NKAIN3: variants seen among roughly 807,000 people sequenced by gnomAD.
NKAIN3 encodes sodium/potassium-transporting ATPase subunit beta-1-interacting protein 3.
A neutral mutation model predicts 30.2 loss-of-function variants in NKAIN3; 25 were observed. The ratio of observed to expected loss-of-function variants is 0.83; its 90% CI spans 0.60 to 1.16. The LOEUF is 1.16. Among genes scored for constraint, NKAIN3 ranks in the 50% most tolerant of loss-of-function variants. The pLI, the probability that NKAIN3 is intolerant of heterozygous loss-of-function variation, is 0.00. For missense variants in NKAIN3, 225 were observed against 254.1 expected (o/e 0.89, Z 0.78); for synonymous variants, 91 against 89.6 (o/e 1.02, Z -0.09).
At chr8:62,775,208 C>A (rs775015058) in intron 4 of NKAIN3, among the ~76,000 whole-genome samples, 23 of 152,044 alleles carry the variant, frequency 1.5e-4, no homozygotes, top group Middle Eastern at 3.4e-3. Flanking sequence ...TTCACAGTGG[C>A]CTCTAATAAT....
intron 3 of NKAIN3, among the ~76,000 whole-genome samples, chr8:62,648,192 T>C (rs1056096956): frequency 2.6e-5 from 4 of 152,128 alleles, no homozygotes; most frequent in Admixed American, 2.6e-4. Context: ...CCAAGTACTA[T>C]GTCCTGTAAG....
rs554327128 is a variant in NKAIN3, at chr8:62,258,022, C to CTTATT, written c.54+8918_54+8922dup. Among the ~76,000 whole-genome samples the CTTATT allele has an allele frequency of 8.5e-3, 1,300 of 152,062 alleles. 15 individuals carry two copies. The highest frequency in any genetic ancestry group is 0.028 in the African/African-American group (1,141 of 41,464). ...GTCTTTGCTTTTAAAACATGAACTACTTATTTTATTTTATTTTATTTTATT... is the reference window on the plus strand; with the variant it reads ...GTCTTTGCTTTTAAAACATGAACTACTTATTTTATTTTATTTTATTTTATTTTATT... On this transcript the variant is annotated intron_variant, in intron 1 of 6. Transcript: ENST00000623646.
intron 4 of NKAIN3, among the ~76,000 whole-genome samples, chr8:62,768,677 C>A (rs541530798): frequency 6.6e-6 from 1 of 152,264 alleles, no homozygotes; most frequent in South Asian, 2.1e-4. Context: ...TCCAACATAA[C>A]CTACTCCAAC....
rs151239890 is a variant in NKAIN3 at position 62,652,457 on chromosome 8, G to T, written c.273+62663G>T. ...CAGACATAGGTGCGATTAATCATTT[G>T]TTCTCACAATAAAGATAACAGTTTT... On this transcript the variant is annotated intron_variant, in intron 3 of 6. Coordinates refer to ENST00000623646, the MANE Select transcript of NKAIN3 (RefSeq NM_001304533.3). Among the ~76,000 whole-genome samples the T allele has an allele frequency of 4.7e-3, 715 of 152,266 alleles. 6 individuals carry two copies. Among genetic ancestry groups the T allele is most frequent in the African/African-American group, 0.017 (692 of 41,562 alleles).
intron 1 of NKAIN3, among the ~76,000 whole-genome samples, chr8:62,499,505 C>T (rs1244477250): frequency 6.6e-6 from 1 of 151,964 alleles, no homozygotes. Context: ...AGTATTTCAC[C>T]GAAGGTCTCC....
At chr8:62,924,932 AC>A (rs1443325653) in intron 5 of NKAIN3, among the ~76,000 whole-genome samples, 1 of 151,982 alleles carries the variant, frequency 6.6e-6, no homozygotes, top group Non-Finnish European at 1.5e-5. Context: ...TCCATGAGTG[AC>A]CTAATCACTT....
rs146186540 is a variant in NKAIN3 at position 62,315,936 on chromosome 8, C to A, written c.54+66809C>A. ...ATCTTTAATTGTAGTTGCCATAATC[C>A]CACATTGTGGGAGAAACCTGGTGGG... On this transcript the variant is annotated intron_variant, in intron 1 of 6. Coordinates refer to ENST00000623646, the MANE Select transcript of NKAIN3 (RefSeq NM_001304533.3). 1.4e-3 allele frequency among the ~76,000 whole-genome samples: 214 copies of A among 152,200 alleles called. 1 individual carries two copies. The highest frequency in any genetic ancestry group is 4.8e-3 in the African/African-American group (199 of 41,528).
intron 1 of NKAIN3, among the ~76,000 whole-genome samples, chr8:62,297,327 C>T (rs1813867367): frequency 1.3e-5 from 2 of 152,036 alleles, no homozygotes; most frequent in South Asian, 2.1e-4. Flanking sequence ...CAAATGGGAT[C>T]TAATTAAACT....
At chr8:62,955,324 C>T (rs1823392134) in intron 6 of NKAIN3, among the ~76,000 whole-genome samples, 1 of 152,170 alleles carries the variant, frequency 6.6e-6, no homozygotes, top group Non-Finnish European at 1.5e-5. Context: ...CACCTCATTA[C>T]TCATATCACT....
chr8:62,470,712 A>C (rs1806305621), intron 1 of NKAIN3, among the ~76,000 whole-genome samples: 1 of 152,124 alleles, frequency 6.6e-6, no homozygotes, highest in Non-Finnish European at 1.5e-5. Flanking sequence ...TCGTATATCA[A>C]ATTATTCAAT....
At chr8:62,855,664 C>T in intron 4 of NKAIN3, 1 of 1,604,172 alleles carries the variant, frequency 6.2e-7, no homozygotes, top group Non-Finnish European at 8.5e-7. Flanking sequence ...AGTGCTGCTG[C>T]AGCCCAGGGT....
chr8:62,638,193 G>A (rs1384133416), intron 3 of NKAIN3, among the ~76,000 whole-genome samples: 7 of 152,082 alleles, frequency 4.6e-5, no homozygotes, highest in Admixed American at 1.3e-4. Flanking sequence ...GCTCCTCAGG[G>A]AAACAAAAAA....
intron 3 of NKAIN3, among the ~76,000 whole-genome samples, chr8:62,736,366 G>T (rs1020171921): frequency 5.9e-5 from 9 of 152,078 alleles, no homozygotes; most frequent in African/African-American, 2.2e-4. Context: ...GTTACTGTGG[G>T]GGTTGCTGGT....
At chr8:62,947,648 C>T (rs1189812497) in intron 5 of NKAIN3, among the ~76,000 whole-genome samples, 2 of 152,176 alleles carry the variant, frequency 1.3e-5, no homozygotes, top group East Asian at 3.9e-4. Context: ...AGTGACTTTT[C>T]AGGCCAGATC....
chr8:62,395,407 G>T (rs942650985), intron 1 of NKAIN3, among the ~76,000 whole-genome samples: 4 of 152,056 alleles, frequency 2.6e-5, no homozygotes, highest in African/African-American at 9.7e-5. Context: ...CACTTCCCAG[G>T]CGGTGCGGGA....
chr8:62,512,067 A>G (rs1807828391), intron 1 of NKAIN3, among the ~76,000 whole-genome samples: 1 of 152,156 alleles, frequency 6.6e-6, no homozygotes, highest in Non-Finnish European at 1.5e-5. Flanking sequence ...CACTTAATAA[A>G]TATAGTGCTT....
intron 4 of NKAIN3, among the ~76,000 whole-genome samples, chr8:62,748,500 G>A (rs1223105482): frequency 6.6e-6 from 1 of 152,196 alleles, no homozygotes; most frequent in Non-Finnish European, 1.5e-5. Flanking sequence ...TAGTTAATGT[G>A]AGAGGGGGCT....
intron 1 of NKAIN3, among the ~76,000 whole-genome samples, chr8:62,269,217 G>A (rs185970282): frequency 5.9e-5 from 9 of 152,228 alleles, no homozygotes; most frequent in South Asian, 2.1e-4. Context: ...ATACTTTATG[G>A]CCATGCTATA....
intron 4 of NKAIN3, among the ~76,000 whole-genome samples, chr8:62,836,618 A>G (rs990329283): frequency 6.6e-6 from 1 of 152,142 alleles, no homozygotes; most frequent in East Asian, 1.9e-4. Flanking sequence ...TCAAGTAGGT[A>G]GAATTACATG....
Sources: gnomAD v4.1 joint callset for allele counts (sites outside exome capture counted in the v4.1 genomes callset) on GRCh38, gnomAD v4.1.1 for gene constraint, MANE v1.5 for transcripts, NCBI Gene and HGNC (gene_info 2026-07-23, HGNC 2026-07-21) for gene names.